ZNF536: variants seen among roughly 807,000 people sequenced by gnomAD.
ZNF536 encodes the protein zinc finger protein 536.
A neutral mutation model predicts 84.5 loss-of-function variants in ZNF536; 13 were observed. That is an observed-to-expected ratio of 0.15 (90% CI 0.10 to 0.24). The LOEUF (loss-of-function observed/expected upper bound fraction) is 0.24, where lower values mean the gene tolerates loss of function less well. Ranked by LOEUF, ZNF536 falls within the 10% of genes least tolerant of loss-of-function variation. The probability of loss-of-function intolerance (pLI) is 1.00; values close to 1 mark genes in which losing one functional copy is unlikely to be tolerated. For missense variants in ZNF536, 1,536 were observed against 1,747.5 expected (o/e 0.88, Z 2.16); for synonymous variants, 811 against 742.5 (o/e 1.09, Z -1.50).
At chr19:30,367,197 G>A (rs2146966594) in intron 3 of ZNF536, among the ~76,000 whole-genome samples, 1 of 152,294 alleles carries the variant, frequency 6.6e-6, no homozygotes, top group Non-Finnish European at 1.5e-5. Context: ...CTTCTGCTGG[G>A]GTGCTTGGGA....
chr19:30,464,986 C>T (rs760205867), intron 2 of ZNF536, among the ~76,000 whole-genome samples: 5 of 152,026 alleles, frequency 3.3e-5, no homozygotes, highest in East Asian at 1.9e-4. Flanking sequence ...GAACTGGGGC[C>T]GTCGGGGTTG....
Position 30,313,649 on chromosome 19 carries a change from G to A in ZNF536, c.-120+29508G>A, listed in dbSNP as rs1050813133. Reference sequence around the variant, plus strand: ...GGGGCTTGAAAGGACTGGGCAGGAGGGAGAGCCTCACAGCCTGCTGTCCCC... The same window carrying A: ...GGGGCTTGAAAGGACTGGGCAGGAGAGAGAGCCTCACAGCCTGCTGTCCCC... On this transcript the variant is annotated intron_variant, in intron 2 of 5. Transcript: ENST00000585628. Among the ~76,000 whole-genome samples, 5 of 152,268 alleles carry A rather than the reference G, an allele frequency of 3.3e-5. No individual in the cohort carries two copies. The East Asian group carries it at 7.7e-4, about 24-fold the overall frequency.
chr19:30,310,953 C>G (rs560556114), intron 2 of ZNF536, among the ~76,000 whole-genome samples: 1 of 152,194 alleles, frequency 6.6e-6, no homozygotes, highest in Non-Finnish European at 1.5e-5. Flanking sequence ...CTCAGGGCCC[C>G]GGCTCCCTTG....
At chr19:30,376,293 A>G (rs545949166) in intron 1 of ZNF536, among the ~76,000 whole-genome samples, 4 of 152,104 alleles carry the variant, frequency 2.6e-5, no homozygotes, top group African/African-American at 9.6e-5. Context: ...CTTGACCTCC[A>G]TCTGTGTCTT....
At chr19:30,684,262 G>A (rs1319309723) in intron 1 of ZNF536, among the ~76,000 whole-genome samples, 1 of 152,118 alleles carries the variant, frequency 6.6e-6, no homozygotes, top group Non-Finnish European at 1.5e-5. Flanking sequence ...AGCCTCCTGA[G>A]TAACTGGGAC....
chr19:30,264,592 T>C (rs2025402251), intron 1 of ZNF536, among the ~76,000 whole-genome samples: 1 of 151,382 alleles, frequency 6.6e-6, no homozygotes, highest in African/African-American at 2.4e-5. Flanking sequence ...TTGCGATTAA[T>C]TTTTTTTTGA....
chr19:30,606,391 A>G (rs979153557), intron 1 of ZNF536, among the ~76,000 whole-genome samples: 9 of 152,216 alleles, frequency 5.9e-5, no homozygotes, highest in African/African-American at 1.9e-4. Flanking sequence ...TTTAGATGCT[A>G]CATGCTTTCA....
At chr19:30,604,507 C>T (rs2047800638) in intron 1 of ZNF536, among the ~76,000 whole-genome samples, 1 of 152,140 alleles carries the variant, frequency 6.6e-6, no homozygotes, top group African/African-American at 2.4e-5. Context: ...AACAAGAAAG[C>T]TGTTGAGCTT....
chr19:30,546,756 G>A (rs1027767337), intron 3 of ZNF536, among the ~76,000 whole-genome samples: 1 of 152,218 alleles, frequency 6.6e-6, no homozygotes, highest in South Asian at 2.1e-4. Context: ...TATTGACAGG[G>A]CACCATTGTG....
intron 3 of ZNF536, among the ~76,000 whole-genome samples, chr19:30,541,057 C>G (rs966092114): frequency 2.0e-5 from 3 of 152,202 alleles, no homozygotes; most frequent in Non-Finnish European, 4.4e-5. Flanking sequence ...GGAGTGGAAT[C>G]ACTTCCAGCA....
intron 2 of ZNF536, among the ~76,000 whole-genome samples, chr19:30,314,313 G>T (rs550686317): frequency 6.6e-6 from 1 of 152,266 alleles, no homozygotes; most frequent in Admixed American, 6.5e-5. Flanking sequence ...TGCAGGCTGT[G>T]GTGTAGACAG....
At chr19:30,567,087 G>C (rs1045052998) in intron 1 of ZNF536, among the ~76,000 whole-genome samples, 1 of 152,242 alleles carries the variant, frequency 6.6e-6, no homozygotes, top group African/African-American at 2.4e-5. Context: ...TGGCCACTCA[G>C]CTGCCTCACC....
In ZNF536 at chr19:30,270,254, G is replaced by A. The variant is rs375498855; in HGVS notation, c.-189-13818G>A. On this transcript the variant is annotated intron_variant, in intron 1 of 5. Coordinates refer to the ZNF536 transcript ENST00000585628. ...CATCTTTTTAGCCTGCCAACCCCTG[G>A]AATATACATTGAAGTTAAGCTGAGT... 4.6e-4 allele frequency among the ~76,000 whole-genome samples: 70 copies of A among 152,254 alleles called. 1 individual carries two copies. Among genetic ancestry groups the A allele is most frequent in the African/African-American group, 1.7e-3 (70 of 41,534 alleles).
intron 1 of ZNF536, among the ~76,000 whole-genome samples, chr19:30,578,617 T>C (rs1372092008): frequency 6.6e-6 from 1 of 152,226 alleles, no homozygotes; most frequent in Non-Finnish European, 1.5e-5. Context: ...TGCAATGGAA[T>C]TGTTTAGGTC....
chr19:30,384,722 T>C (rs1470783949), intron 1 of ZNF536, among the ~76,000 whole-genome samples: 3 of 151,976 alleles, frequency 2.0e-5, no homozygotes, highest in African/African-American at 7.2e-5. Context: ...GGGTACCAAA[T>C]GGTGTTTAGA....
intron 1 of ZNF536, among the ~76,000 whole-genome samples, chr19:30,238,523 G>A (rs1041015594): frequency 6.6e-6 from 1 of 152,016 alleles, no homozygotes; most frequent in Non-Finnish European, 1.5e-5. Flanking sequence ...TCCTGGTAGG[G>A]ACATTATAAA....
At chr19:30,351,520 A>C (rs1441492042) in intron 2 of ZNF536, among the ~76,000 whole-genome samples, 1 of 152,240 alleles carries the variant, frequency 6.6e-6, no homozygotes, top group Non-Finnish European at 1.5e-5. Context: ...TATTTAAAAA[A>C]CAAGATTTGC....
intron 1 of ZNF536, among the ~76,000 whole-genome samples, chr19:30,431,021 A>G (rs1462845795): frequency 6.6e-6 from 1 of 152,298 alleles, no homozygotes; most frequent in South Asian, 2.1e-4. Flanking sequence ...AGCAAGATGA[A>G]CTGGAGGGTT....
intron 1 of ZNF536, among the ~76,000 whole-genome samples, chr19:30,403,736 G>A (rs1316062957): frequency 6.6e-6 from 1 of 152,186 alleles, no homozygotes; most frequent in African/African-American, 2.4e-5. Flanking sequence ...TATTGCCAGA[G>A]TCTCCAAGTG....
Sources: allele counts gnomAD v4.1 joint callset (sites outside exome capture counted in the v4.1 genomes callset), GRCh38; gene constraint gnomAD v4.1.1; transcripts MANE v1.5; gene names NCBI Gene and HGNC (gene_info 2026-07-23, HGNC 2026-07-21).